The following ZNF738 variants were observed in gnomAD, a reference collection of about 807,000 sequenced individuals.
ZNF738 encodes the protein zinc finger protein 738, also known as protein ZNF738.
A neutral mutation model predicts 9.2 loss-of-function variants in ZNF738; 10 were observed. That is an observed-to-expected ratio of 1.09 (90% CI 0.67 to 1.85). The LOEUF is 1.85. Ranked by LOEUF, ZNF738 falls within the 40% of genes most tolerant of loss-of-function variation. The pLI, the probability that ZNF738 is intolerant of heterozygous loss-of-function variation, is 0.00. For missense variants in ZNF738, 346 were observed against 283.6 expected (o/e 1.22, Z -1.58); for synonymous variants, 113 against 94.5 (o/e 1.20, Z -1.14).
At chr19:21,359,169 G>A (rs1299482905) in intron 1 of ZNF738, 26 bp downstream of exon 1, 2 of 1,035,184 alleles carry the variant, frequency 1.9e-6, no homozygotes, top group East Asian at 2.4e-5. Flanking sequence ...CCAACATCCC[G>A]AGAGAGGGGA....
chr19:21,362,097 G>GATAATAATAATAATA, intron 2 of ZNF738, among the ~76,000 whole-genome samples: 1 of 148,126 alleles, frequency 6.8e-6, no homozygotes, highest in East Asian at 2.0e-4. Context: ...TAATAATAAT[G>GATAATAATAATAATA]ATAATAATAA....
Position 21,375,254 on chromosome 19 carries a change from G to A in ZNF738, c.113G>A (p.Arg38Lys), listed in dbSNP as rs1326274675. ...GTTTTTCAGGGGCCGTTGACATTTA[G>A]GGATGTGGTCATAGAATTCTCTCAG... ...SYFEKGPLTF[R>K]DVVIEFSQEE... The change falls in exon 3 of 5, where the codon AGG (arginine) becomes AAG (lysine). Residue 38 changes from arginine to lysine, a missense_variant. Coordinates refer to ENST00000683779, the MANE Select transcript of ZNF738 (RefSeq NM_001355237.2). 4.4e-6 allele frequency: 5 copies of A among 1,149,338 alleles called. No homozygotes were observed. Among genetic ancestry groups the A allele is most frequent in the East Asian group, 4.7e-5 (2 of 42,232 alleles). The allele number at this position is 1,149,338 out of a possible 1,614,324, so 71.2% of individuals were successfully genotyped here.
At chr19:21,369,036 C>T (rs1973823966) in intron 2 of ZNF738, among the ~76,000 whole-genome samples, 1 of 152,074 alleles carries the variant, frequency 6.6e-6, no homozygotes, top group Admixed American at 6.6e-5. Context: ...CAGTGCCTGG[C>T]TTTGTGTTTT....
Position 21,376,016 on chromosome 19 carries a change from C to G in ZNF738, c.319+52C>G, listed in dbSNP as rs185096575. The G allele has an allele frequency of 3.0e-3, 1,618 of 544,440 alleles. 14 individuals are homozygous for G. The highest frequency in any genetic ancestry group is 0.028 in the African/African-American group (1,300 of 47,036). 33.7% of individuals were successfully genotyped at this position (544,440 alleles called of 1,614,324 possible). ...ACATAGATGAAAGGTTGGAAGATTA[C>G]AAAAAAAAAAAAGCAGTCCCTATAA... is the stretch of plus-strand genomic sequence containing the variant. On this transcript the variant is annotated intron_variant, in intron 4 of 4. Coordinates refer to ENST00000683779, the MANE Select transcript of ZNF738 (RefSeq NM_001355237.2).
rs555564837 is a variant in ZNF738 at position 21,384,068 on chromosome 19, A to T, written c.*394A>T. On this transcript the variant is annotated 3_prime_UTR_variant, in exon 5 of 5. Transcript: ENST00000683779. ...CTACACATAAGAGAATTCACACTGG[A>T]GAGAAACCCTACAAATGTGAAGAAT... 378 of 1,561,114 alleles carry T rather than the reference A, an allele frequency of 2.4e-4. 2 individuals carry two copies. The highest frequency in any genetic ancestry group is 2.6e-5 in the Non-Finnish European group (29 of 1,136,536).
chr19:21,381,455 A>C (rs1486205756), intron 4 of ZNF738: 9 of 1,390,418 alleles, frequency 6.5e-6, no homozygotes, highest in Non-Finnish European at 9.2e-6. Flanking sequence ...CCTGGTTTGG[A>C]CACCAACTTT....
At chr19:21,360,023 T>C (rs1442338656) in intron 1 of ZNF738, among the ~76,000 whole-genome samples, 3 of 152,210 alleles carry the variant, frequency 2.0e-5, no homozygotes, top group African/African-American at 7.2e-5. Context: ...AAACCAAATT[T>C]AGTAATTGGT....
At chr19:21,378,829 C>A in intron 4 of ZNF738, 4 of 162,154 alleles carry the variant, frequency 2.5e-5, no homozygotes, top group South Asian at 1.3e-4. Flanking sequence ...GATCTCCTGA[C>A]CTCAGGTGAT....
At chr19:21,375,593 G>C (rs1407807041) in intron 3 of ZNF738, among the ~76,000 whole-genome samples, 2 of 152,140 alleles carry the variant, frequency 1.3e-5, no homozygotes, top group Non-Finnish European at 2.9e-5. Flanking sequence ...CTCTAGAGTA[G>C]TGGTAATCTC....
chr19:21,381,990 G>T, intron 4 of ZNF738: 1 of 197,528 alleles, frequency 5.1e-6, no homozygotes, highest in South Asian at 1.7e-4. Context: ...CCATGGACAT[G>T]GCAGGTGCAT....
chr19:21,382,981 A>G lies in ZNF738; in HGVS notation c.435A>G (p.Arg145=), dbSNP rs1974022876. Residue 145 remains arginine (R), a synonymous_variant, in exon 5 of 5, where the codon AGA becomes AGG. Transcript: ENST00000683779. ...GNYGHKDLQL[R]KGCKSVNECN... is the part of the protein sequence containing the mutation. ...ATGGACATAAAGATTTACAGTTAAG[A>G]AAAGGCTGTAAAAGTGTGAATGAGT... 3 of 681,196 alleles carry G rather than the reference A, an allele frequency of 4.4e-6. No individual in the cohort carries two copies. In the Admixed American group the frequency reaches 6.3e-5, roughly 14 times the overall value. 42.2% of individuals were successfully genotyped at this position (681,196 alleles called of 1,614,324 possible).
intron 2 of ZNF738, among the ~76,000 whole-genome samples, chr19:21,368,669 G>T (rs1239102131): frequency 6.6e-6 from 1 of 151,896 alleles, no homozygotes; most frequent in Admixed American, 6.6e-5. Context: ...TGTTGCTCAG[G>T]ATGGTCTTGA....
chr19:21,359,107 A>G lies in ZNF738; in HGVS notation c.-34A>G, dbSNP rs779421322. On this transcript the variant is annotated 5_prime_UTR_variant, in exon 1 of 5. Coordinates refer to ENST00000683779, the MANE Select transcript of ZNF738 (RefSeq NM_001355237.2). ...TGACCTGCAGGTATTGGGAATCCAC[A>G]GCTAAGACGCCGGGACACCCTGGAA... 24 of 1,028,992 alleles carry G rather than the reference A, an allele frequency of 2.3e-5. No homozygotes were observed. The highest frequency in any genetic ancestry group is 3.1e-5 in the Non-Finnish European group (20 of 648,762). The allele number at this position is 1,028,992 out of a possible 1,614,324, so 63.7% of individuals were successfully genotyped here. A position where few individuals can be genotyped will look rare whatever the true frequency, so the allele number is the denominator to read the frequency against.
In ZNF738 at chr19:21,374,359, A is replaced by G. The variant is rs376022679; in HGVS notation, c.97-879A>G. ...AAGATATCTGCATCTTGAACTCTGC[A>G]TAAAACTGATTTTTCTGTGTGGTTA... On this transcript the variant is annotated intron_variant, in intron 2 of 4. Coordinates refer to ENST00000683779, the MANE Select transcript of ZNF738 (RefSeq NM_001355237.2). Among the ~76,000 whole-genome samples, 72 of 152,364 alleles carry G rather than the reference A, an allele frequency of 4.7e-4. No homozygotes were observed. In the South Asian group the frequency reaches 0.013, roughly 28 times the overall value.
chr19:21,361,056 C>T (rs7508072), intron 1 of ZNF738, among the ~76,000 whole-genome samples: 84,655 of 150,516 alleles, frequency 0.56, 23,928 homozygotes, highest in Middle Eastern at 0.67. Flanking sequence ...TCAGGTGATC[C>T]GCCCGCCTTG....
chr19:21,381,501 C>CTT, intron 4 of ZNF738: 2 of 994,576 alleles, frequency 2.0e-6, no homozygotes, highest in Admixed American at 2.1e-5. Flanking sequence ...TTTTCTTTTT[C>CTT]TTTTTTTTTC....
rs765985142 is a variant in ZNF738 at position 21,375,211 on chromosome 19, ATATGTG to A, written c.97-25_97-20del. The A allele has an allele frequency of 4.9e-6, 4 of 816,420 alleles. No homozygotes were observed. The African/African-American group carries it at 1.3e-4, about 28-fold the overall frequency. The allele number at this position is 816,420 out of a possible 1,614,324, so 50.6% of individuals were successfully genotyped here. ...AAATTCTGCCCGTGGACACTTGTAAATATGTGTGTGTGTGTGTGTTTTTCAGGGGCC... is the reference window on the plus strand; with the variant it reads ...AAATTCTGCCCGTGGACACTTGTAAATGTGTGTGTGTGTTTTTCAGGGGCC... On this transcript the variant is annotated intron_variant, in intron 2 of 4. Transcript: ENST00000683779.
chr19:21,375,090 A>G, intron 2 of ZNF738, 148 bp from the exon 3 acceptor site: 1 of 505,550 alleles, frequency 2.0e-6, no homozygotes, highest in Non-Finnish European at 3.5e-6. Flanking sequence ...ACATTAGAGA[A>G]TATTTCTGTG....
In ZNF738 at chr19:21,384,449, A is replaced by G. The variant is rs1489792447; in HGVS notation, c.*775A>G. 1.3e-5 allele frequency among the ~76,000 whole-genome samples: 2 copies of G among 151,966 alleles called. No homozygotes were observed. Among genetic ancestry groups the G allele is most frequent in the African/African-American group, 2.4e-5 (1 of 41,366 alleles). On this transcript the variant is annotated 3_prime_UTR_variant, in exon 5 of 5. Transcript: ENST00000683779. ...TAGAATGTGGCAAAGATTTCTACCA[A>G]TTCTCATACCTTACTACACATAAGA...
Sources: allele counts gnomAD v4.1 joint callset (sites outside exome capture counted in the v4.1 genomes callset), GRCh38; gene constraint gnomAD v4.1.1; transcripts MANE v1.5; gene names NCBI Gene and HGNC (gene_info 2026-07-23, HGNC 2026-07-21).